The following GRIN2B variants were observed in gnomAD, a reference collection of about 807,000 sequenced individuals.
GRIN2B encodes the protein glutamate receptor ionotropic, NMDA 2B.
GRIN2B carries 5 observed loss-of-function variants against 114.5 expected under a neutral mutation model. That is an observed-to-expected ratio of 0.04 (90% confidence interval 0.02 to 0.09). The LOEUF is 0.09. GRIN2B is among the 10% of genes least tolerant of loss of function. The probability of loss-of-function intolerance (pLI) is 1.00; values close to 1 mark genes in which losing one functional copy is unlikely to be tolerated. For missense variants in GRIN2B, 1,108 were observed against 1,943.5 expected, an observed-to-expected ratio of 0.57 and a Z score of 8.08; for synonymous variants, 787 against 745.1, an observed-to-expected ratio of 1.06 and a Z score of -0.92.
At chr12:13,889,442 T>C (rs1866221982) in intron 2 of GRIN2B, among the ~76,000 whole-genome samples, 1 of 152,210 alleles carries the variant, frequency 6.6e-6, no homozygotes, top group South Asian at 2.1e-4. Context: ...GTAAGCACAA[T>C]ATAATTACCC....
At chr12:13,734,689 T>C (rs539655577) in intron 4 of GRIN2B, among the ~76,000 whole-genome samples, 1 of 152,222 alleles carries the variant, frequency 6.6e-6, no homozygotes, top group Non-Finnish European at 1.5e-5. Context: ...GAATTTTTAA[T>C]GTGAACTGTT....
intron 3 of GRIN2B, among the ~76,000 whole-genome samples, chr12:13,849,999 G>A (rs377511738): frequency 2.0e-5 from 3 of 151,716 alleles, no homozygotes; most frequent in South Asian, 4.2e-4. Flanking sequence ...GATTATCCTG[G>A]GAAAATAATA....
At chr12:13,717,393 T>C (rs550909387) in intron 4 of GRIN2B, among the ~76,000 whole-genome samples, 8 of 152,116 alleles carry the variant, frequency 5.3e-5, no homozygotes, top group African/African-American at 1.9e-4. Context: ...CCGCTTGGAA[T>C]ACTATCTCTA....
intron 5 of GRIN2B, among the ~76,000 whole-genome samples, chr12:13,673,072 T>C (rs915218069): frequency 2.0e-5 from 3 of 152,048 alleles, no homozygotes; most frequent in African/African-American, 7.2e-5. Flanking sequence ...TATGGACAAC[T>C]CTAACAAGAG....
rs1319041320 is a variant in GRIN2B, at chr12:13,710,728, G to T, written c.1011-34869C>A. ...ACCACTGCTCAATGAAATAAAAGAG[G>T]ATACAAACAAATGGAAGAACATTCC... On this transcript the variant is annotated intron_variant, in intron 4 of 13. Coordinates refer to ENST00000609686, the MANE Select transcript of GRIN2B (RefSeq NM_000834.5). Among the ~76,000 whole-genome samples, 4 of 152,164 alleles carry T rather than the reference G, an allele frequency of 2.6e-5. No homozygotes were observed. In the East Asian group the frequency reaches 7.7e-4, roughly 29 times the overall value.
chr12:13,679,161 G>A (rs2136544156), intron 4 of GRIN2B, among the ~76,000 whole-genome samples: 1 of 152,268 alleles, frequency 6.6e-6, no homozygotes, highest in East Asian at 1.9e-4. Context: ...CAGACACTGT[G>A]CTGAATAATT....
At chr12:13,846,282 A>T (rs1865470963) in intron 3 of GRIN2B, among the ~76,000 whole-genome samples, 1 of 152,240 alleles carries the variant, frequency 6.6e-6, no homozygotes, top group African/African-American at 2.4e-5. Flanking sequence ...AGAAGAATAA[A>T]GCCCTAAAAA....
At chr12:13,966,965 T>C (rs914822459) in intron 2 of GRIN2B, among the ~76,000 whole-genome samples, 1 of 152,120 alleles carries the variant, frequency 6.6e-6, no homozygotes, top group Admixed American at 6.5e-5. Flanking sequence ...AAAACCACCA[T>C]TTTCTGCCTC....
chr12:13,580,641 C>T (rs1324121155), intron 10 of GRIN2B, among the ~76,000 whole-genome samples: 1 of 152,242 alleles, frequency 6.6e-6, no homozygotes, highest in Non-Finnish European at 1.5e-5. Flanking sequence ...GAAGACACCA[C>T]ATTTTTACCT....
At chr12:13,973,641 G>A (rs1176072477) in intron 2 of GRIN2B, among the ~76,000 whole-genome samples, 1 of 152,132 alleles carries the variant, frequency 6.6e-6, no homozygotes, top group African/African-American at 2.4e-5. Context: ...CCCTTGGAAT[G>A]CCTGACTCTT....
chr12:13,904,578 A>G (rs1287990953), intron 2 of GRIN2B, among the ~76,000 whole-genome samples: 6 of 152,012 alleles, frequency 3.9e-5, no homozygotes, highest in African/African-American at 1.4e-4. Context: ...TCTTCACTCC[A>G]TCTTGCATCT....
Position 13,863,321 on chromosome 12 carries a change from T to C in GRIN2B, c.411+2477A>G, listed in dbSNP as rs143264885. On this transcript the variant is annotated intron_variant, in intron 3 of 13. Coordinates refer to ENST00000609686, the MANE Select transcript of GRIN2B (RefSeq NM_000834.5). The stretch of plus-strand genomic sequence containing the variant: ...TATTGCCTGATTATAAATCATGTAA[T>C]AGATCACTTTCAGTCAGATGACATC... Among the ~76,000 whole-genome samples, 3 of 152,306 alleles carry C rather than the reference T, an allele frequency of 2.0e-5. No homozygotes were observed. In the East Asian group the frequency reaches 5.8e-4, roughly 29 times the overall value.
chr12:13,868,477 C>A (rs934105480), intron 2 of GRIN2B, among the ~76,000 whole-genome samples: 4 of 150,854 alleles, frequency 2.7e-5, no homozygotes, highest in Admixed American at 6.6e-5. Flanking sequence ...CACACACACA[C>A]ACAGTTCAAT....
At chr12:13,959,167 G>A (rs1037729205) in intron 2 of GRIN2B, among the ~76,000 whole-genome samples, 1 of 152,176 alleles carries the variant, frequency 6.6e-6, no homozygotes, top group East Asian at 1.9e-4. Context: ...GTTCAAAATT[G>A]AGCCAGATTT....
chr12:13,755,801 A>C (rs1211499675), intron 3 of GRIN2B, among the ~76,000 whole-genome samples: 1 of 152,164 alleles, frequency 6.6e-6, no homozygotes, highest in African/African-American at 2.4e-5. Context: ...TCCCAAGGTG[A>C]TGGTATCTGA....
At chr12:13,618,715 C>G (rs1448152244) in intron 5 of GRIN2B, among the ~76,000 whole-genome samples, 1 of 152,166 alleles carries the variant, frequency 6.6e-6, no homozygotes, top group Non-Finnish European at 1.5e-5. Context: ...TCTAGCCTAC[C>G]TTGATACAGT....
At chr12:13,884,185 C>A (rs1300399630) in intron 2 of GRIN2B, among the ~76,000 whole-genome samples, 1 of 152,022 alleles carries the variant, frequency 6.6e-6, no homozygotes, top group Non-Finnish European at 1.5e-5. Flanking sequence ...TGTCCTGCAA[C>A]TTTTTAATTC....
At chr12:13,789,974 A>T (rs1470389340) in intron 3 of GRIN2B, among the ~76,000 whole-genome samples, 1 of 152,178 alleles carries the variant, frequency 6.6e-6, no homozygotes, top group East Asian at 1.9e-4. Flanking sequence ...TTAGCTTGGC[A>T]TGAGTTGAAA....
chr12:13,651,309 G>A (rs971720786), intron 5 of GRIN2B, among the ~76,000 whole-genome samples: 2 of 151,998 alleles, frequency 1.3e-5, no homozygotes, highest in Admixed American at 6.6e-5. Context: ...CCAGGCATGT[G>A]GTCAATAAAA....
Sources: allele counts gnomAD v4.1 joint callset (sites outside exome capture counted in the v4.1 genomes callset), GRCh38; gene constraint gnomAD v4.1.1; transcripts MANE v1.5; gene names NCBI Gene and HGNC (gene_info 2026-07-23, HGNC 2026-07-21).